DGKB: variants seen among roughly 807,000 people sequenced by gnomAD.
DGKB encodes the protein 90 kDa diacylglycerol kinase.
A neutral mutation model predicts 114.3 loss-of-function variants in DGKB; 67 were observed. That is an observed-to-expected ratio of 0.59 (90% CI 0.48 to 0.72). The LOEUF (loss-of-function observed/expected upper bound fraction) is 0.72, where lower values mean the gene tolerates loss of function less well. Ranked by LOEUF, DGKB falls within the 30% of genes least tolerant of loss-of-function variation. The pLI, the probability that DGKB is intolerant of heterozygous loss-of-function variation, is 0.00. For missense variants in DGKB, 907 were observed against 975.2 expected (o/e 0.93, Z 0.93); for synonymous variants, 398 against 323.1 (o/e 1.23, Z -2.49).
intron 13 of DGKB, among the ~76,000 whole-genome samples, chr7:14,652,739 G>A (rs575782042): frequency 1.1e-4 from 16 of 151,746 alleles, no homozygotes; most frequent in South Asian, 2.1e-4. Context: ...GAAAATTTTC[G>A]CAATCTACTC....
chr7:14,692,771 C>A (rs1363790916), intron 9 of DGKB, among the ~76,000 whole-genome samples: 2 of 151,626 alleles, frequency 1.3e-5, no homozygotes, highest in Non-Finnish European at 2.9e-5. Context: ...TGTTTTCCAT[C>A]CTCTGACCAT....
chr7:14,255,858 C>T lies in DGKB; in HGVS notation c.2123-77707G>A, dbSNP rs142925877. Among the ~76,000 whole-genome samples, 18 of 152,212 alleles carry T rather than the reference C, an allele frequency of 1.2e-4. No individual in the cohort carries two copies. The East Asian group carries it at 3.3e-3, about 28-fold the overall frequency. On this transcript the variant is annotated intron_variant, in intron 23 of 25. Transcript: ENST00000402815. Reference sequence around the variant, plus strand: ...CTGTAAACTGCAATCAGGCTTTGAGCATGTGCTCCAACCCCAACAAACCTG... The same window carrying T: ...CTGTAAACTGCAATCAGGCTTTGAGTATGTGCTCCAACCCCAACAAACCTG...
chr7:14,580,955 C>T lies in DGKB; in HGVS notation c.1520-4G>A, dbSNP rs774226869. On this transcript the variant is annotated splice_polypyrimidine_tract_variant and splice_region_variant and intron_variant, in intron 18 of 25. Coordinates refer to ENST00000402815, the MANE Select transcript of DGKB (RefSeq NM_001350709.2). ...TGCTTGCCTACATTGGCCTTTTCTG[C>T]AGAATAAAAAAAAATACAAATAAAG... 7 of 1,571,234 alleles carry T rather than the reference C, an allele frequency of 4.5e-6. No individual in the cohort carries two copies. Among genetic ancestry groups the T allele is most frequent in the Non-Finnish European group, 6.1e-6 (7 of 1,156,814 alleles).
At chr7:14,149,306 T>A in intron 25 of DGKB, 68 bp from the exon 26 acceptor site, 3 of 1,130,046 alleles carry the variant, frequency 2.7e-6, no homozygotes. Context: ...AATACCAATT[T>A]GTGAGACTCT....
intron 21 of DGKB, among the ~76,000 whole-genome samples, chr7:14,345,635 G>T (rs1053833727): frequency 6.6e-6 from 1 of 151,552 alleles, no homozygotes; most frequent in Non-Finnish European, 1.5e-5. Context: ...AGTTTTTTGT[G>T]GGTTCATCAC....
At chr7:14,682,873 T>C (rs1293651220) in intron 10 of DGKB, 32 bp from the exon 11 acceptor site, 1 of 1,454,388 alleles carries the variant, frequency 6.9e-7, no homozygotes, top group South Asian at 1.2e-5. Flanking sequence ...AATTCAGAGC[T>C]AATCCTGGTC....
intron 23 of DGKB, among the ~76,000 whole-genome samples, chr7:14,310,654 A>G (rs1053938283): frequency 1.3e-5 from 2 of 152,176 alleles, no homozygotes; most frequent in Non-Finnish European, 2.9e-5. Flanking sequence ...CAGACTTTTA[A>G]TTGAAGATGA....
chr7:14,659,951 G>C (rs1816689035), intron 13 of DGKB, among the ~76,000 whole-genome samples: 2 of 151,692 alleles, frequency 1.3e-5, no homozygotes, highest in South Asian at 2.1e-4. Context: ...AAGGGTTGTT[G>C]AATTTTGTCA....
Position 14,704,367 on chromosome 7 carries a change from G to T in DGKB, c.467-2637C>A, listed in dbSNP as rs536324956. ...GGAGGCTGAGGCAGGAGAATGGCGC[G>T]AACCAGGGAGGCGGAGCTTGCAGTG... On this transcript the variant is annotated intron_variant, in intron 6 of 25. Transcript: ENST00000402815. 1.0e-3 allele frequency among the ~76,000 whole-genome samples: 146 copies of T among 146,702 alleles called. 1 individual carries two copies. The highest frequency in any genetic ancestry group is 3.5e-3 in the African/African-American group (139 of 39,486).
chr7:14,696,408 T>C (rs1159288958), intron 8 of DGKB, among the ~76,000 whole-genome samples: 1 of 139,598 alleles, frequency 7.2e-6, no homozygotes, highest in Non-Finnish European at 1.5e-5. Context: ...GGCAGGAGAA[T>C]GGAGTGAACC....
chr7:14,763,107 T>G (rs1427579452), intron 2 of DGKB, among the ~76,000 whole-genome samples: 3 of 152,126 alleles, frequency 2.0e-5, no homozygotes, highest in African/African-American at 7.2e-5. Context: ...TTCATCCAAT[T>G]GTGAAGGCAT....
At chr7:14,226,129 G>A (rs1050088457) in intron 23 of DGKB, among the ~76,000 whole-genome samples, 1 of 151,858 alleles carries the variant, frequency 6.6e-6, no homozygotes, top group Non-Finnish European at 1.5e-5. Flanking sequence ...AGAATCCCAA[G>A]AAGGTATAAT....
Position 14,737,312 on chromosome 7 carries a change from T to G in DGKB, c.169-1118A>C, listed in dbSNP as rs572814586. ...TTTTTTTTTTTTTTTTTTTTTTTTT[T>G]ACCCAGTTTAATGTGCTGAGATGCA... On this transcript the variant is annotated intron_variant, in intron 4 of 25. Coordinates refer to ENST00000402815, the MANE Select transcript of DGKB (RefSeq NM_001350709.2). Among the ~76,000 whole-genome samples the G allele has an allele frequency of 3.8e-3, 389 of 102,816 alleles. 1 individual carries two copies. The highest frequency in any genetic ancestry group is 0.011 in the African/African-American group (321 of 27,980). The allele number at this position is 102,816 out of a possible 152,430, so 67.5% of individuals were successfully genotyped here. A position where few individuals can be genotyped will look rare whatever the true frequency, so the allele number is the denominator to read the frequency against.
chr7:14,556,841 T>C (rs1356763183), intron 20 of DGKB, among the ~76,000 whole-genome samples: 1 of 152,222 alleles, frequency 6.6e-6, no homozygotes, highest in Non-Finnish European at 1.5e-5. Context: ...TCAATCTATG[T>C]AAAATGAATT....
chr7:14,291,518 C>T (rs902149741), intron 23 of DGKB, among the ~76,000 whole-genome samples: 2 of 152,070 alleles, frequency 1.3e-5, no homozygotes, highest in African/African-American at 2.4e-5. Flanking sequence ...AAATTGGTTT[C>T]GTTCAGAAAT....
At chr7:14,269,555 T>G (rs1797984370) in intron 23 of DGKB, among the ~76,000 whole-genome samples, 1 of 152,158 alleles carries the variant, frequency 6.6e-6, no homozygotes, top group Non-Finnish European at 1.5e-5. Flanking sequence ...ATTCACTATT[T>G]CCCTGACTCC....
At chr7:14,576,754 T>C (rs1799181787) in intron 19 of DGKB, among the ~76,000 whole-genome samples, 1 of 152,164 alleles carries the variant, frequency 6.6e-6, no homozygotes, top group Non-Finnish European at 1.5e-5. Flanking sequence ...GAAAATCAAT[T>C]ACCACATCTA....
At chr7:14,439,974 C>T (rs1310841525) in intron 21 of DGKB, among the ~76,000 whole-genome samples, 1 of 151,354 alleles carries the variant, frequency 6.6e-6, no homozygotes, top group African/African-American at 2.4e-5. Flanking sequence ...ACCATCATTA[C>T]AAGACTGAAT....
intron 5 of DGKB, among the ~76,000 whole-genome samples, chr7:14,721,305 C>T (rs10278975): frequency 0.53 from 81,050 of 151,992 alleles, 21,994 homozygotes; most frequent in East Asian, 0.87. Flanking sequence ...CAATTGAGAA[C>T]GTAAGGATCA....
Sources: allele counts gnomAD v4.1 joint callset (sites outside exome capture counted in the v4.1 genomes callset), GRCh38; gene constraint gnomAD v4.1.1; transcripts MANE v1.5; gene names NCBI Gene and HGNC (gene_info 2026-07-23, HGNC 2026-07-21).